EHHADH: variants seen among roughly 807,000 people sequenced by gnomAD.
EHHADH encodes enoyl-CoA hydratase and 3-hydroxyacyl CoA dehydrogenase.
In EHHADH, 48 loss-of-function variants were observed where a neutral mutation model predicts 64.4. The ratio of observed to expected loss-of-function variants is 0.75; its 90% CI spans 0.59 to 0.95. EHHADH has a LOEUF of 0.95. Ranked by LOEUF, EHHADH falls within the 40% of genes least tolerant of loss-of-function variation. The pLI is 0.00. For synonymous variants in EHHADH, 308 were observed against 326.7 expected, an observed-to-expected ratio of 0.94 and a Z score of 0.62; for missense variants, 854 against 876.6, an observed-to-expected ratio of 0.97 and a Z score of 0.33.
intron 5 of EHHADH, among the ~76,000 whole-genome samples, chr3:185,208,620 C>A (rs867837399): frequency 3.3e-5 from 5 of 152,106 alleles, no homozygotes. Context: ...TTAGTTGTTT[C>A]TTAAAAAGAT....
chr3:185,235,529 G>A, intron 2 of EHHADH, 67 bp from the exon 3 acceptor site: 1 of 1,298,850 alleles, frequency 7.7e-7, no homozygotes, highest in Non-Finnish European at 1.0e-6. Flanking sequence ...ATAACAGTAA[G>A]TTACCTGATA....
At chr3:185,219,028 A>C (rs1560013668) in intron 4 of EHHADH, among the ~76,000 whole-genome samples, 2 of 152,212 alleles carry the variant, frequency 1.3e-5, no homozygotes, top group African/African-American at 2.4e-5. Flanking sequence ...ATCTCCAAAA[A>C]CAAAGAAAAA....
intron 5 of EHHADH, among the ~76,000 whole-genome samples, chr3:185,209,333 A>G (rs1718478569): frequency 6.6e-6 from 1 of 152,206 alleles, no homozygotes; most frequent in South Asian, 2.1e-4. Context: ...AATTTTAATA[A>G]GAATCCTTAT....
chr3:185,206,413 G>A (rs1718392850), intron 5 of EHHADH, among the ~76,000 whole-genome samples: 1 of 151,920 alleles, frequency 6.6e-6, no homozygotes. Flanking sequence ...AAATTTTCAG[G>A]ACCTTGGGGT....
At chr3:185,219,461 T>C (rs1170925049) in intron 4 of EHHADH, among the ~76,000 whole-genome samples, 1 of 152,218 alleles carries the variant, frequency 6.6e-6, no homozygotes, top group Non-Finnish European at 1.5e-5. Context: ...GCTGGTATAC[T>C]TAGCATCCAA....
At chr3:185,199,539 C>T (rs1248820127) in intron 6 of EHHADH, among the ~76,000 whole-genome samples, 1 of 152,204 alleles carries the variant, frequency 6.6e-6, no homozygotes, top group Non-Finnish European at 1.5e-5. Flanking sequence ...GGCCTGTAGG[C>T]CAAACCCCGC....
chr3:185,192,249 C>T lies in EHHADH; in HGVS notation c.2149G>A (p.Gly717Ser), dbSNP rs776320855. Residue 717 changes from glycine (G) to serine (S), a missense_variant, in exon 7 of 7, where the codon GGC (glycine) becomes AGC (serine). Physicochemically the swap from Gly to Ser is moderately conservative, Grantham distance 56. Coordinates refer to ENST00000231887, the MANE Select transcript of EHHADH (RefSeq NM_001966.4). ...AATCACAATTTACTGCTAGGGGAGC[C>T]TGCCAAGCTTTGCCATTCTTTCAGG... ...PPLKEWQSLA[G>S]SPSSKL is the part of the protein sequence containing the mutation. The T allele has an allele frequency of 1.9e-6, 3 of 1,613,726 alleles. No homozygotes were observed. The highest frequency in any genetic ancestry group is 2.5e-6 in the Non-Finnish European group (3 of 1,179,870).
Position 185,204,598 on chromosome 3 carries a change from TACTGCACAGCAGCCTGG to T in EHHADH, c.711_727del (p.Gln238SerfsTer3). On this transcript the variant is annotated frameshift_variant, in exon 6 of 7. Coordinates refer to ENST00000231887, the MANE Select transcript of EHHADH (RefSeq NM_001966.4). LOFTEE classifies it high-confidence loss of function. ...CTTCTTGATGCCCACTTCATAGGGATACTGCACAGCAGCCTGGACTGCACGGACACAAGCCTCCTGTG... is the reference window on the plus strand; with the variant it reads ...CTTCTTGATGCCCACTTCATAGGGATACTGCACGGACACAAGCCTCCTGTG... The T allele has an allele frequency of 1.2e-6, 2 of 1,614,242 alleles. No homozygotes were observed. Among genetic ancestry groups the T allele is most frequent in the Non-Finnish European group, 1.7e-6 (2 of 1,180,032 alleles).
At chr3:185,226,521 T>C (rs1718979267) in intron 4 of EHHADH, among the ~76,000 whole-genome samples, 1 of 152,070 alleles carries the variant, frequency 6.6e-6, no homozygotes, top group African/African-American at 2.4e-5. Flanking sequence ...TGGTGGCGCA[T>C]TTCTGTAATC....
Position 185,192,358 on chromosome 3 carries a change from C to T in EHHADH, c.2040G>A (p.Gln680=), listed in dbSNP as rs200144355. The T allele has an allele frequency of 7.3e-5, 118 of 1,614,038 alleles. No homozygotes were observed. The highest frequency in any genetic ancestry group is 1.5e-5 in the Non-Finnish European group (18 of 1,180,042). ...VGLPTVLEKL[Q]KYYRQNPDIP... is the part of the protein sequence containing the mutation. ...TATCAGGGTTCTGCCTGTAATATTT[C>T]TGCAATTTCTCTAGAACTGTGGGCA... Residue 680 remains glutamine (Q), a synonymous_variant, in exon 7 of 7, where the codon CAG becomes CAA. Coordinates refer to ENST00000231887, the MANE Select transcript of EHHADH (RefSeq NM_001966.4).
chr3:185,249,329 C>T (rs190972059), intron 1 of EHHADH, among the ~76,000 whole-genome samples: 41 of 152,282 alleles, frequency 2.7e-4, no homozygotes, highest in Admixed American at 2.2e-3. Context: ...GGGGTTTCAC[C>T]GTGTTAACCA....
At chr3:185,226,533 C>T (rs1718979498) in intron 4 of EHHADH, among the ~76,000 whole-genome samples, 1 of 151,820 alleles carries the variant, frequency 6.6e-6, no homozygotes, top group South Asian at 2.1e-4. Context: ...TCTGTAATCC[C>T]AGTTACTCAG....
At chr3:185,248,222 A>T (rs1465019753) in intron 2 of EHHADH, 192 bp downstream of exon 2, 1 of 557,464 alleles carries the variant, frequency 1.8e-6, no homozygotes, top group African/African-American at 1.9e-5. Flanking sequence ...CCACAATAAA[A>T]GAGACTAAGC....
At position 185,192,666 on chromosome 3, in the gene EHHADH, C is replaced by A. The variant is rs1717915821; in HGVS notation, c.1732G>T (p.Gly578Cys). 4 of 1,614,124 alleles carry A rather than the reference C, an allele frequency of 2.5e-6. No homozygotes were observed. The highest frequency in any genetic ancestry group is 2.5e-6 in the Non-Finnish European group (3 of 1,180,028). Residue 578 changes from glycine (G) to cysteine (C), a missense_variant, in exon 7 of 7, where the codon GGT becomes TGT. Gly to Cys is a radical substitution (Grantham distance 159). Transcript: ENST00000231887. The part of the protein sequence containing the change: ...LGRFGQKTGK[G>C]WYQYDKPLGR... ...AATGGCTTGTCATATTGATACCAAC[C>A]CTTACCTGTCTTCTGGCCAAATCGT...
intron 2 of EHHADH, chr3:185,246,431 T>C: frequency 1.9e-6 from 1 of 513,402 alleles, no homozygotes; most frequent in South Asian, 2.5e-5. Flanking sequence ...AATCATCTCA[T>C]CTCCAGATAT....
chr3:185,251,105 C>G (rs1183199674), intron 1 of EHHADH, among the ~76,000 whole-genome samples: 15 of 152,142 alleles, frequency 9.9e-5, no homozygotes, highest in Non-Finnish European at 1.6e-4. Flanking sequence ...ATTATTTTCT[C>G]CTGTTAATAC....
chr3:185,219,787 C>T (rs545067989), intron 4 of EHHADH, among the ~76,000 whole-genome samples: 3 of 152,276 alleles, frequency 2.0e-5, no homozygotes, highest in African/African-American at 4.8e-5. Context: ...TGGATGCCAT[C>T]GGAGACAAAC....
At chr3:185,237,273 TTTTGA>T (rs1171810730) in intron 2 of EHHADH, among the ~76,000 whole-genome samples, 1 of 152,218 alleles carries the variant, frequency 6.6e-6, no homozygotes, top group African/African-American at 2.4e-5. Flanking sequence ...TAATAGATTA[TTTTGA>T]TTTTTCTACA....
At chr3:185,242,827 G>T (rs947992257) in intron 2 of EHHADH, among the ~76,000 whole-genome samples, 2 of 152,178 alleles carry the variant, frequency 1.3e-5, no homozygotes, top group African/African-American at 4.8e-5. Context: ...TTCTTCCCCT[G>T]CCTGTGAAGT....
Sources: allele counts gnomAD v4.1 joint callset (sites outside exome capture counted in the v4.1 genomes callset), GRCh38; gene constraint gnomAD v4.1.1; transcripts MANE v1.5; gene names NCBI Gene and HGNC (gene_info 2026-07-23, HGNC 2026-07-21).